The following FOXN3 variants were observed in gnomAD, a reference collection of about 807,000 sequenced individuals.
FOXN3 encodes the protein forkhead box protein N3.
A neutral mutation model predicts 38.4 loss-of-function variants in FOXN3; 7 were observed. That is an observed-to-expected ratio of 0.18 (90% CI 0.10 to 0.34). FOXN3 has a LOEUF of 0.34. FOXN3 is among the 10% of genes least tolerant of loss of function. The pLI, the probability that FOXN3 is intolerant of heterozygous loss-of-function variation, is 1.00. For synonymous variants in FOXN3, 230 were observed against 242.2 expected (o/e 0.95, Z 0.47); for missense variants, 456 against 613.4 (o/e 0.74, Z 2.71).
At chr14:89,234,274 G>T (rs534552924) in intron 4 of FOXN3, among the ~76,000 whole-genome samples, 5 of 152,292 alleles carry the variant, frequency 3.3e-5, no homozygotes, top group African/African-American at 9.6e-5. Context: ...AGTTCTGGAG[G>T]CTAGAAGTCC....
intron 1 of FOXN3, among the ~76,000 whole-genome samples, chr14:89,463,784 C>CTT (rs33993052): frequency 8.0e-4 from 111 of 138,672 alleles, no homozygotes; most frequent in African/African-American, 2.7e-3. Context: ...GTCTCTCTCT[C>CTT]TTTTTTTTTT....
intron 2 of FOXN3, among the ~76,000 whole-genome samples, chr14:89,375,667 A>C (rs1193827243): frequency 1.3e-5 from 2 of 152,262 alleles, no homozygotes; most frequent in Non-Finnish European, 2.9e-5. Context: ...GAAAAAACTC[A>C]GTAACATTAA....
chr14:89,604,493 T>A (rs547368873), intron 1 of FOXN3, among the ~76,000 whole-genome samples: 5 of 152,152 alleles, frequency 3.3e-5, no homozygotes, highest in Non-Finnish European at 7.3e-5. Flanking sequence ...TTATCTAGAC[T>A]GCAGCACATA....
chr14:89,588,401 C>T (rs1895887972), intron 1 of FOXN3, among the ~76,000 whole-genome samples: 1 of 152,126 alleles, frequency 6.6e-6, no homozygotes, highest in Non-Finnish European at 1.5e-5. Flanking sequence ...GCCCAGGAAT[C>T]GTGACTTGGG....
chr14:89,368,827 A>G (rs946533398), intron 2 of FOXN3, among the ~76,000 whole-genome samples: 16 of 152,154 alleles, frequency 1.1e-4, no homozygotes, highest in African/African-American at 3.9e-4. Context: ...TCCTCCTGAG[A>G]GTCAACCCAA....
intron 1 of FOXN3, among the ~76,000 whole-genome samples, chr14:89,487,301 C>G (rs1222449450): frequency 6.6e-6 from 1 of 152,214 alleles, no homozygotes; most frequent in Non-Finnish European, 1.5e-5. Flanking sequence ...GATAACAAAT[C>G]AACGAACTCT....
At chr14:89,247,222 G>A (rs1301833924) in intron 4 of FOXN3, among the ~76,000 whole-genome samples, 1 of 152,154 alleles carries the variant, frequency 6.6e-6, no homozygotes, top group Non-Finnish European at 1.5e-5. Flanking sequence ...ATTGCAAAGT[G>A]TAACACAAAG....
chr14:89,542,400 A>T (rs1195484765), intron 1 of FOXN3, among the ~76,000 whole-genome samples: 3 of 152,230 alleles, frequency 2.0e-5, no homozygotes, highest in Non-Finnish European at 4.4e-5. Flanking sequence ...AATGGAGCCC[A>T]GCAAATCTCA....
intron 2 of FOXN3, chr14:89,353,514 A>G (rs558431605): frequency 1.3e-5 from 2 of 152,206 alleles, no homozygotes; most frequent in East Asian, 3.9e-4. Context: ...GCTTTTTGAC[A>G]TTCTCAGCTC....
At chr14:89,311,687 A>G (rs1037215028) in intron 3 of FOXN3, among the ~76,000 whole-genome samples, 19 of 151,284 alleles carry the variant, frequency 1.3e-4, no homozygotes, top group African/African-American at 4.6e-4. Context: ...TTAGCCGGGC[A>G]TGGTGGCACT....
chr14:89,568,667 G>A (rs1425318285), intron 1 of FOXN3, among the ~76,000 whole-genome samples: 1 of 152,204 alleles, frequency 6.6e-6, no homozygotes, highest in Non-Finnish European at 1.5e-5. Context: ...TAATTATACA[G>A]AAATTCCTTG....
At chr14:89,349,634 G>C (rs1888889834) in intron 3 of FOXN3, 1 of 152,656 alleles carries the variant, frequency 6.6e-6, no homozygotes, top group Non-Finnish European at 1.5e-5. Flanking sequence ...TCTTCTCAGA[G>C]AGCCCAGCTG....
chr14:89,613,814 ATGCAGGGAGG>A (rs1042316788), intron 1 of FOXN3, among the ~76,000 whole-genome samples: 18 of 152,222 alleles, frequency 1.2e-4, no homozygotes, highest in African/African-American at 4.3e-4. Flanking sequence ...CTGAGAAACA[ATGCAGGGAGG>A]TTGGCTGTGG....
At chr14:89,416,125 A>ACGCG (rs940270572) in intron 1 of FOXN3, among the ~76,000 whole-genome samples, 2 of 151,882 alleles carry the variant, frequency 1.3e-5, no homozygotes, top group East Asian at 1.9e-4. Context: ...CCCACCCAGC[A>ACGCG]CGCGCGCGCG....
intron 3 of FOXN3, among the ~76,000 whole-genome samples, chr14:89,318,216 T>C (rs977457579): frequency 6.9e-6 from 1 of 145,556 alleles, no homozygotes; most frequent in African/African-American, 2.6e-5. Context: ...TGGAGTGCAA[T>C]GGCGTGATCT....
chr14:89,273,818 G>A (rs762409165), intron 4 of FOXN3, among the ~76,000 whole-genome samples: 16 of 152,286 alleles, frequency 1.1e-4, no homozygotes, highest in Non-Finnish European at 2.2e-4. Context: ...AGAACAATAA[G>A]ACAAATGATG....
In FOXN3 at chr14:89,417,114, G is replaced by C. The variant is rs965644276; in HGVS notation, c.-258C>G. On this transcript the variant is annotated 5_prime_UTR_variant, in exon 1 of 6. Coordinates refer to ENST00000557258, the MANE Select transcript of FOXN3 (RefSeq NM_005197.4). ...CGGGCGCGCCGCGCGTCCTCCCGCC[G>C]GCCCCGCCGCTCTCCCCGCCCCGTC... 2 of 144,614 alleles carry C rather than the reference G, an allele frequency of 1.4e-5. No individual in the cohort carries two copies. Among genetic ancestry groups the C allele is most frequent in the Admixed American group, 1.4e-4 (2 of 14,664 alleles). The allele number at this position is 144,614 out of a possible 1,614,324, so 9.0% of individuals were successfully genotyped here. A position where few individuals can be genotyped will look rare whatever the true frequency, so the allele number is the denominator to read the frequency against.
chr14:89,394,142 G>A (rs1480375243), intron 2 of FOXN3, among the ~76,000 whole-genome samples: 5 of 151,620 alleles, frequency 3.3e-5, no homozygotes, highest in African/African-American at 7.3e-5. Flanking sequence ...CATGAAGGTG[G>A]TGCCCCCATG....
chr14:89,440,070 T>C (rs1176690342), intron 1 of FOXN3, among the ~76,000 whole-genome samples: 5 of 152,156 alleles, frequency 3.3e-5, no homozygotes, highest in African/African-American at 1.2e-4. Flanking sequence ...CCCTTTCCTG[T>C]AACGGTGCTA....
Sources: gnomAD v4.1 joint callset for allele counts (sites outside exome capture counted in the v4.1 genomes callset) on GRCh38, gnomAD v4.1.1 for gene constraint, MANE v1.5 for transcripts, NCBI Gene and HGNC (gene_info 2026-07-23, HGNC 2026-07-21) for gene names.